The following PCLO variants were observed in gnomAD, a reference collection of about 807,000 sequenced individuals.
PCLO encodes the protein protein piccolo.
In PCLO, 82 loss-of-function variants were observed where a neutral mutation model predicts 427.5. That is an observed-to-expected ratio of 0.19 (90% CI 0.16 to 0.23). The LOEUF (loss-of-function observed/expected upper bound fraction) is 0.23. Among genes scored for constraint, PCLO ranks in the 10% least tolerant of loss-of-function variants. PCLO has a pLI of 1.00. For missense variants in PCLO, 6,239 were observed against 6,115.9 expected, an observed-to-expected ratio of 1.02 and a Z score of -0.67; for synonymous variants, 2,357 against 2,155.4, an observed-to-expected ratio of 1.09 and a Z score of -2.59.
In PCLO at chr7:82,801,651, C is replaced by A. The variant is rs1327076535; in HGVS notation, c.14934-60G>T. ...TATGATCTCATGAATGCAAAAGAGG[C>A]TAAATTTGCATAAATAAAATGACAT... On this transcript the variant is annotated intron_variant, in intron 21 of 24. Transcript: ENST00000333891. 5.1e-6 allele frequency: 5 copies of A among 982,972 alleles called. No homozygotes were observed. In the Admixed American group the frequency reaches 8.4e-5, roughly 17 times the overall value. 60.9% of individuals were successfully genotyped at this position (982,972 alleles called of 1,614,324 possible). A position where few individuals can be genotyped will look rare whatever the true frequency, so the allele number is the denominator to read the frequency against.
In PCLO at chr7:82,955,582, T is replaced by C; in HGVS notation, c.5371A>G (p.Lys1791Glu). 6.2e-7 allele frequency: 1 copy of C among 1,613,982 alleles called. No individual in the cohort carries two copies. Among genetic ancestry groups the C allele is most frequent in the Non-Finnish European group, 8.5e-7 (1 of 1,179,872 alleles). ...TGTTGCTGTTCTATTTCCCTCTGCT[T>C]TTCTTGCTCCTTTAATAATTCTTCT... Reference protein sequence around the residue: ...EEEELLKEQEKQREIEQQQRK... With the variant: ...EEEELLKEQEEQREIEQQQRK... The change falls in exon 5 of 25, where the codon AAG becomes GAG. Residue 1791 changes from lysine (K) to glutamate (E), a missense_variant. Physicochemically the swap from Lys to Glu is moderately conservative, Grantham distance 56 (BLOSUM62 1). Coordinates refer to ENST00000333891, the MANE Select transcript of PCLO (RefSeq NM_033026.6).
rs551913535 is a variant in PCLO, at chr7:82,799,112, A to G, written c.15007+2406T>C. ...CAGCTGTTAACATTTATACTAAAAC[A>G]ATTTTATTTATAAACTTTAGGATTA... On this transcript the variant is annotated intron_variant, in intron 22 of 24. Transcript: ENST00000333891. Among the ~76,000 whole-genome samples, 62 of 152,354 alleles carry G rather than the reference A, an allele frequency of 4.1e-4. No individual in the cohort carries two copies. In the South Asian group the frequency reaches 0.013, roughly 31 times the overall value.
chr7:83,142,386 C>T (rs534642174), intron 2 of PCLO, among the ~76,000 whole-genome samples: 1 of 152,240 alleles, frequency 6.6e-6, no homozygotes, highest in East Asian at 1.9e-4. Flanking sequence ...CTATTTACTC[C>T]ATCAAAGCAG....
At chr7:83,100,292 T>G (rs1055602452) in intron 3 of PCLO, among the ~76,000 whole-genome samples, 7 of 152,148 alleles carry the variant, frequency 4.6e-5, no homozygotes, top group African/African-American at 1.7e-4. Context: ...CCATTCAATC[T>G]AGCAATGTCA....
chr7:82,966,447 G>C lies in PCLO; in HGVS notation c.3341C>G (p.Ala1114Gly). 1 of 1,593,494 alleles carries C rather than the reference G, an allele frequency of 6.3e-7. No homozygotes were observed. Among genetic ancestry groups the C allele is most frequent in the Non-Finnish European group, 8.5e-7 (1 of 1,173,670 alleles). ...WLCLNCQTQR[A>G]ISGQLGDIRK... is the part of the protein sequence containing the mutation. ...TATGTCTCCAAGCTGTCCTGATATT[G>C]CTCTCTGGGTTTGGCAATTTAAACA... Residue 1114 changes from alanine to glycine, a missense_variant, in exon 4 of 25, where the codon GCA becomes GGA. Coordinates refer to ENST00000333891, the MANE Select transcript of PCLO (RefSeq NM_033026.6).
At chr7:82,900,874 T>G (rs986673141) in intron 9 of PCLO, among the ~76,000 whole-genome samples, 1 of 151,852 alleles carries the variant, frequency 6.6e-6, no homozygotes, top group Non-Finnish European at 1.5e-5. Flanking sequence ...GTCTGTATTA[T>G]TTTTGGAAAT....
intron 24 of PCLO, 109 bp downstream of exon 24, chr7:82,760,530 T>C: frequency 1.6e-6 from 1 of 642,230 alleles, no homozygotes; most frequent in Non-Finnish European, 2.4e-6. Flanking sequence ...AATTAACTTC[T>C]CAAATGTCAT....
chr7:82,969,240 T>C (rs552724294), intron 3 of PCLO, among the ~76,000 whole-genome samples: 1 of 152,186 alleles, frequency 6.6e-6, no homozygotes, highest in Non-Finnish European at 1.5e-5. Flanking sequence ...GTATCATCTA[T>C]GTAATCTATT....
chr7:82,893,998 G>C lies in PCLO; in HGVS notation c.13528+8653C>G, dbSNP rs981955966. Among the ~76,000 whole-genome samples, 3 of 151,812 alleles carry C rather than the reference G, an allele frequency of 2.0e-5. No homozygotes were observed. The South Asian group carries it at 6.2e-4, about 32-fold the overall frequency. On this transcript the variant is annotated intron_variant, in intron 9 of 24. Coordinates refer to ENST00000333891, the MANE Select transcript of PCLO (RefSeq NM_033026.6). ...TCATTATCTGTGTTTTATTTTATAT[G>C]TAATACTTAAAAAAATATTTAAGTA...
At chr7:82,910,593 G>A (rs993379634) in intron 7 of PCLO, among the ~76,000 whole-genome samples, 9 of 151,966 alleles carry the variant, frequency 5.9e-5, no homozygotes, top group Non-Finnish European at 1.3e-4. Flanking sequence ...TCAATGCCCT[G>A]CACAAGGCAT....
intron 3 of PCLO, among the ~76,000 whole-genome samples, chr7:83,028,950 A>C (rs1423058457): frequency 6.6e-6 from 1 of 152,118 alleles, no homozygotes; most frequent in Non-Finnish European, 1.5e-5. Flanking sequence ...CTTATACAAA[A>C]ATCAATTCAA....
intron 3 of PCLO, among the ~76,000 whole-genome samples, chr7:83,026,225 A>G (rs1292627007): frequency 1.3e-5 from 2 of 152,202 alleles, no homozygotes; most frequent in Non-Finnish European, 2.9e-5. Context: ...ACGTGCAGAG[A>G]CACACATAGG....
rs1486735680 is a variant in PCLO at position 82,821,402 on chromosome 7, G to A, written c.14791+1093C>T. 5.1e-6 allele frequency: 5 copies of A among 985,684 alleles called. No individual in the cohort carries two copies. The African/African-American group carries it at 7.0e-5, about 14-fold the overall frequency. 61.1% of individuals were successfully genotyped at this position (985,684 alleles called of 1,614,324 possible). A position where few individuals can be genotyped will look rare whatever the true frequency, so the allele number is the denominator to read the frequency against. ...GTGCTCTTTTGCTCTATTTAAATAG[G>A]TTGTGTTTTCAAATGCCAAAATGAC... On this transcript the variant is annotated intron_variant, in intron 20 of 24. Coordinates refer to ENST00000333891, the MANE Select transcript of PCLO (RefSeq NM_033026.6).
intron 6 of PCLO, among the ~76,000 whole-genome samples, chr7:82,937,753 T>C (rs1397669423): frequency 6.6e-6 from 1 of 151,808 alleles, no homozygotes; most frequent in Non-Finnish European, 1.5e-5. Context: ...TTGCAAGCAA[T>C]TAGCCAATAC....
chr7:83,151,594 T>C (rs778314425), intron 2 of PCLO, among the ~76,000 whole-genome samples: 9 of 152,228 alleles, frequency 5.9e-5, no homozygotes, highest in Non-Finnish European at 1.2e-4. Context: ...CCTGCCCTTA[T>C]GTTCCTAGCT....
intron 9 of PCLO, among the ~76,000 whole-genome samples, chr7:82,900,980 T>G (rs550805688): frequency 1.3e-5 from 2 of 151,820 alleles, no homozygotes; most frequent in African/African-American, 4.8e-5. Flanking sequence ...AGTGTTCAAA[T>G]TGAGTAGAAA....
chr7:83,034,881 T>C (rs568495702), intron 3 of PCLO, among the ~76,000 whole-genome samples: 4 of 152,348 alleles, frequency 2.6e-5, no homozygotes, highest in South Asian at 2.1e-4. Flanking sequence ...AAGTAAGACC[T>C]TGACTACCTT....
rs778108792 is a variant in PCLO, at chr7:82,794,459, C to CTTTTTTTTTTTTTT, written c.15007+7045_15007+7058dup. Among the ~76,000 whole-genome samples the CTTTTTTTTTTTTTT allele has an allele frequency of 5.4e-3, 306 of 56,354 alleles. 101 individuals carry two copies. Among genetic ancestry groups the CTTTTTTTTTTTTTT allele is most frequent in the Middle Eastern group, 0.037 (2 of 54 alleles). 37.0% of individuals were successfully genotyped at this position (56,354 alleles called of 152,430 possible). On this transcript the variant is annotated intron_variant, in intron 22 of 24. Coordinates refer to ENST00000333891, the MANE Select transcript of PCLO (RefSeq NM_033026.6). ...ACATGCTAGTTCATAAATTTTTTTT[C>CTTTTTTTTTTTTTT]TTTTTTTTTTTTTTTTTTTTTTTTT...
chr7:83,030,051 T>C (rs1228739143), intron 3 of PCLO, among the ~76,000 whole-genome samples: 8 of 147,462 alleles, frequency 5.4e-5, no homozygotes, highest in African/African-American at 7.5e-5. Context: ...GCATGGCACA[T>C]GTATACATAT....
Sources: gnomAD v4.1 joint callset for allele counts (sites outside exome capture counted in the v4.1 genomes callset) on GRCh38, gnomAD v4.1.1 for gene constraint, MANE v1.5 for transcripts, NCBI Gene and HGNC (gene_info 2026-07-23, HGNC 2026-07-21) for gene names.